MACROD2: variants seen among roughly 807,000 people sequenced by gnomAD.
MACROD2 encodes mono-ADP ribosylhydrolase 2.
Under a neutral mutation model 70.4 loss-of-function variants are expected in MACROD2, and 36 were observed. The ratio of observed to expected loss-of-function variants is 0.51; its 90% CI spans 0.39 to 0.68. MACROD2 has a LOEUF of 0.68. Among genes scored for constraint, MACROD2 ranks in the 30% least tolerant of loss-of-function variants. The pLI, the probability that MACROD2 is intolerant of heterozygous loss-of-function variation, is 0.00. For missense variants in MACROD2, 496 were observed against 538.4 expected, an observed-to-expected ratio of 0.92 and a Z score of 0.78; for synonymous variants, 172 against 178.8, an observed-to-expected ratio of 0.96 and a Z score of 0.30.
intron 4 of MACROD2, chr20:14,628,748 T>C (rs1187364363): frequency 6.6e-6 from 1 of 152,160 alleles, no homozygotes; most frequent in African/African-American, 2.4e-5. Context: ...GGAGCACATA[T>C]ACAGTGGGAA....
At chr20:14,691,806 T>C (rs1466841743) in intron 5 of MACROD2, among the ~76,000 whole-genome samples, 2 of 152,140 alleles carry the variant, frequency 1.3e-5, no homozygotes, top group African/African-American at 4.8e-5. Context: ...ATGAGCCCCT[T>C]CCATAATCAA....
At chr20:14,981,189 G>A (rs2074795663) in intron 5 of MACROD2, among the ~76,000 whole-genome samples, 1 of 152,072 alleles carries the variant, frequency 6.6e-6, no homozygotes, top group Non-Finnish European at 1.5e-5. Flanking sequence ...GACATAGCTA[G>A]TATATTCAGC....
intron 7 of MACROD2, among the ~76,000 whole-genome samples, chr20:15,451,417 T>TAAAAAAAA (rs35308671): frequency 2.4e-5 from 2 of 83,382 alleles, no homozygotes; most frequent in African/African-American, 4.5e-5. Context: ...GGGTGGTAAA[T>TAAAAAAAA]AAAAAAAAAA....
chr20:15,852,970 C>G (rs973424094), intron 8 of MACROD2, among the ~76,000 whole-genome samples: 2 of 152,016 alleles, frequency 1.3e-5, no homozygotes, highest in Non-Finnish European at 2.9e-5. Context: ...ATGTTTGCAC[C>G]ACTGCACTCC....
At chr20:14,744,243 A>AT (rs2071770756) in intron 5 of MACROD2, among the ~76,000 whole-genome samples, 2 of 152,192 alleles carry the variant, frequency 1.3e-5, no homozygotes, top group African/African-American at 4.8e-5. Flanking sequence ...CATAGGATGG[A>AT]TTTTTGATTC....
chr20:15,316,493 G>A (rs1007125246), intron 6 of MACROD2, among the ~76,000 whole-genome samples: 1 of 152,054 alleles, frequency 6.6e-6, no homozygotes, highest in African/African-American at 2.4e-5. Context: ...TCTTTAAGAA[G>A]CCATAGCATT....
chr20:15,036,325 G>A (rs1170397582), intron 5 of MACROD2, among the ~76,000 whole-genome samples: 4 of 152,052 alleles, frequency 2.6e-5, no homozygotes, highest in African/African-American at 9.7e-5. Flanking sequence ...ACATTACGAT[G>A]ACCATCTATG....
chr20:15,033,898 G>C (rs143937802), intron 5 of MACROD2, among the ~76,000 whole-genome samples: 1 of 152,270 alleles, frequency 6.6e-6, no homozygotes, highest in Non-Finnish European at 1.5e-5. Flanking sequence ...TTAAAAGGTG[G>C]GTAGGGTGTT....
chr20:15,049,676 G>GT (rs1414339983), intron 5 of MACROD2, among the ~76,000 whole-genome samples: 3 of 152,090 alleles, frequency 2.0e-5, no homozygotes, highest in African/African-American at 7.2e-5. Context: ...GACCGGGTGC[G>GT]TTGGCTCATG....
At chr20:15,526,286 T>C (rs2047720691) in intron 8 of MACROD2, among the ~76,000 whole-genome samples, 1 of 152,152 alleles carries the variant, frequency 6.6e-6, no homozygotes, top group Non-Finnish European at 1.5e-5. Flanking sequence ...ACCCCAAATA[T>C]CTGATCTTTT....
intron 6 of MACROD2, among the ~76,000 whole-genome samples, chr20:15,352,750 C>G (rs2078241998): frequency 1.3e-5 from 2 of 152,124 alleles, no homozygotes; most frequent in Admixed American, 1.3e-4. Flanking sequence ...CTCCCAGTCA[C>G]AGTTGCTTCA....
At chr20:14,144,654 A>G (rs1245266573) in intron 3 of MACROD2, among the ~76,000 whole-genome samples, 2 of 152,244 alleles carry the variant, frequency 1.3e-5, no homozygotes, top group African/African-American at 4.8e-5. Flanking sequence ...TTTAAGTTCT[A>G]TAGTATTCTT....
intron 2 of MACROD2, among the ~76,000 whole-genome samples, chr20:14,009,382 T>C (rs1028090294): frequency 2.0e-5 from 3 of 152,074 alleles, no homozygotes; most frequent in Non-Finnish European, 4.4e-5. Flanking sequence ...TCATCACTAA[T>C]GAGTAATGAT....
chr20:15,867,869 A>G (rs1182153588), intron 9 of MACROD2, among the ~76,000 whole-genome samples: 1 of 152,092 alleles, frequency 6.6e-6, no homozygotes, highest in African/African-American at 2.4e-5. Flanking sequence ...GGAAAAACCA[A>G]CCTTTGTTTA....
At chr20:14,663,893 G>T (rs2070706741) in intron 4 of MACROD2, among the ~76,000 whole-genome samples, 1 of 151,884 alleles carries the variant, frequency 6.6e-6, no homozygotes, top group African/African-American at 2.4e-5. Flanking sequence ...TAAAACACTA[G>T]AAGAATTGTT....
At chr20:15,593,320 T>C (rs911912394) in intron 8 of MACROD2, among the ~76,000 whole-genome samples, 1 of 152,222 alleles carries the variant, frequency 6.6e-6, no homozygotes, top group African/African-American at 2.4e-5. Flanking sequence ...GATGAGACTC[T>C]GGTGTTTACC....
intron 8 of MACROD2, among the ~76,000 whole-genome samples, chr20:15,581,956 T>C (rs953492440): frequency 3.3e-5 from 5 of 152,064 alleles, no homozygotes; most frequent in African/African-American, 1.2e-4. Flanking sequence ...ACCCCGTCTC[T>C]ACTAAAAACA....
chr20:15,624,894 C>T (rs2049180827), intron 8 of MACROD2, among the ~76,000 whole-genome samples: 2 of 152,188 alleles, frequency 1.3e-5, no homozygotes. Context: ...CAGGAGCCTA[C>T]ACACCACTAT....
chr20:15,183,302 A>G (rs1251213928), intron 5 of MACROD2, among the ~76,000 whole-genome samples: 1 of 152,118 alleles, frequency 6.6e-6, no homozygotes, highest in Non-Finnish European at 1.5e-5. Context: ...TGGGAGGCTG[A>G]CGCAGGAGGA....
Sources: allele counts gnomAD v4.1 joint callset (sites outside exome capture counted in the v4.1 genomes callset), GRCh38; gene constraint gnomAD v4.1.1; transcripts MANE v1.5; gene names NCBI Gene and HGNC (gene_info 2026-07-23, HGNC 2026-07-21).